The following HS6ST3 variants were observed in gnomAD, a reference collection of about 807,000 sequenced individuals.
HS6ST3 encodes heparan sulfate 6-O-sulfotransferase 3.
HS6ST3 carries 12 observed loss-of-function variants against 36.7 expected under a neutral mutation model. The observed-to-expected ratio is 0.33, with a 90% CI of 0.21 to 0.53. The LOEUF (loss-of-function observed/expected upper bound fraction) is 0.53. Ranked by LOEUF, HS6ST3 falls within the 20% of genes least tolerant of loss-of-function variation. HS6ST3 has a pLI of 0.95. For missense variants in HS6ST3, 584 were observed against 640.9 expected (o/e 0.91, Z 0.96); for synonymous variants, 240 against 257.5 (o/e 0.93, Z 0.65).
intron 1 of HS6ST3, among the ~76,000 whole-genome samples, chr13:96,769,210 A>G (rs1877196766): frequency 6.6e-6 from 1 of 152,170 alleles, no homozygotes; most frequent in Non-Finnish European, 1.5e-5. Flanking sequence ...TCTTCTTTAC[A>G]AGACATCTCA....
At chr13:96,658,496 T>A (rs1465226443) in intron 1 of HS6ST3, among the ~76,000 whole-genome samples, 1 of 151,190 alleles carries the variant, frequency 6.6e-6, no homozygotes, top group Non-Finnish European at 1.5e-5. Context: ...TTGGTCAGGA[T>A]GGTCTCGAAC....
In HS6ST3 at chr13:96,409,105, GAGAAGGTATTTGGCTGGATATTGAA is replaced by G. The variant is rs554699936; in HGVS notation, c.707+317558_707+317582del. On this transcript the variant is annotated intron_variant, in intron 1 of 1. Coordinates refer to ENST00000376705, the MANE Select transcript of HS6ST3 (RefSeq NM_153456.4). ...AGAAACTAGGGAAGACTTCATGAAA[GAGAAGGTATTTGGCTGGATATTGAA>G]AGAAGGTATTTGGCTGGATATGGAA... Among the ~76,000 whole-genome samples the G allele has an allele frequency of 1.1e-3, 165 of 152,328 alleles. 1 individual carries two copies. The East Asian group carries it at 0.03, about 28-fold the overall frequency.
intron 1 of HS6ST3, among the ~76,000 whole-genome samples, chr13:96,298,477 G>A (rs1409485255): frequency 6.6e-6 from 1 of 152,130 alleles, no homozygotes; most frequent in Non-Finnish European, 1.5e-5. Context: ...CTTTAGGCTC[G>A]TTGGCAAAGA....
In HS6ST3 at chr13:96,744,681, A is replaced by G. The variant is rs117288552; in HGVS notation, c.708-87809A>G. On this transcript the variant is annotated intron_variant, in intron 1 of 1. Coordinates refer to ENST00000376705, the MANE Select transcript of HS6ST3 (RefSeq NM_153456.4). ...TCTTTTGATGAACCAGATTTTTAATACCAACTTTGCATAAGCAAATGCACT... is the reference window on the plus strand; with the variant it reads ...TCTTTTGATGAACCAGATTTTTAATGCCAACTTTGCATAAGCAAATGCACT... Among the ~76,000 whole-genome samples, 1,478 of 152,158 alleles carry G rather than the reference A, an allele frequency of 9.7e-3. 15 individuals carry two copies. The highest frequency in any genetic ancestry group is 0.016 in the Non-Finnish European group (1,120 of 67,958).
chr13:96,206,425 C>T (rs969125399), intron 1 of HS6ST3, among the ~76,000 whole-genome samples: 2 of 152,126 alleles, frequency 1.3e-5, no homozygotes, highest in Admixed American at 6.5e-5. Context: ...ATTAAACTAC[C>T]ATTGACATTC....
At chr13:96,515,113 G>A (rs368406475) in intron 1 of HS6ST3, among the ~76,000 whole-genome samples, 36 of 152,258 alleles carry the variant, frequency 2.4e-4, no homozygotes, top group Non-Finnish European at 3.2e-4. Context: ...TGGCAGCTGC[G>A]CACACCTTCC....
intron 1 of HS6ST3, among the ~76,000 whole-genome samples, chr13:96,232,350 A>C (rs2054512901): frequency 1.3e-5 from 2 of 152,152 alleles, no homozygotes; most frequent in South Asian, 2.1e-4. Flanking sequence ...TGTAGTAATA[A>C]GGAAAAGGAG....
intron 1 of HS6ST3, among the ~76,000 whole-genome samples, chr13:96,462,039 C>T (rs1009434330): frequency 6.6e-6 from 1 of 152,096 alleles, no homozygotes; most frequent in African/African-American, 2.4e-5. Context: ...CTATGTCACA[C>T]AAAACAAATT....
At chr13:96,174,336 C>A (rs995889481) in intron 1 of HS6ST3, among the ~76,000 whole-genome samples, 3 of 151,900 alleles carry the variant, frequency 2.0e-5, no homozygotes, top group Non-Finnish European at 4.4e-5. Flanking sequence ...CTCTTGAATC[C>A]CTATCATGAA....
chr13:96,708,651 G>C (rs1057082916), intron 1 of HS6ST3, among the ~76,000 whole-genome samples: 4 of 152,082 alleles, frequency 2.6e-5, no homozygotes, highest in African/African-American at 9.7e-5. Flanking sequence ...TTCACTCCAG[G>C]GAAATGTGAA....
intron 1 of HS6ST3, among the ~76,000 whole-genome samples, chr13:96,488,781 C>G (rs375102240): frequency 6.6e-6 from 1 of 152,076 alleles, no homozygotes; most frequent in East Asian, 1.9e-4. Flanking sequence ...TTCTTGGTCA[C>G]TTTGAATGCT....
intron 1 of HS6ST3, among the ~76,000 whole-genome samples, chr13:96,563,020 G>A (rs1158808698): frequency 6.8e-6 from 1 of 148,056 alleles, no homozygotes; most frequent in East Asian, 2.0e-4. Flanking sequence ...ACTGAGCAAT[G>A]GAGCCAGTCA....
intron 1 of HS6ST3, among the ~76,000 whole-genome samples, chr13:96,174,918 G>A (rs2054205399): frequency 6.6e-6 from 1 of 152,072 alleles, no homozygotes; most frequent in African/African-American, 2.4e-5. Flanking sequence ...TTTTCCTGGT[G>A]TTTCTAATAG....
chr13:96,659,164 G>A (rs2056637554), intron 1 of HS6ST3, among the ~76,000 whole-genome samples: 1 of 152,202 alleles, frequency 6.6e-6, no homozygotes, highest in Admixed American at 6.5e-5. Context: ...CAGTTACTCT[G>A]CATTATTGCC....
At chr13:96,459,926 T>G (rs2055775666) in intron 1 of HS6ST3, among the ~76,000 whole-genome samples, 1 of 152,252 alleles carries the variant, frequency 6.6e-6, no homozygotes, top group South Asian at 2.1e-4. Context: ...GATGTAAAAT[T>G]TGACCTGAGA....
At chr13:96,448,053 C>A (rs2055707726) in intron 1 of HS6ST3, among the ~76,000 whole-genome samples, 1 of 152,274 alleles carries the variant, frequency 6.6e-6, no homozygotes, top group African/African-American at 2.4e-5. Context: ...CTTTTATCAT[C>A]ATGGAGGCTT....
At chr13:96,804,243 C>G (rs1485523647) in intron 1 of HS6ST3, among the ~76,000 whole-genome samples, 1 of 152,042 alleles carries the variant, frequency 6.6e-6, no homozygotes, top group African/African-American at 2.4e-5. Context: ...GGATGTGCAG[C>G]TAAACTTGTC....
At chr13:96,298,520 T>C (rs1316868035) in intron 1 of HS6ST3, among the ~76,000 whole-genome samples, 5 of 152,220 alleles carry the variant, frequency 3.3e-5, no homozygotes, top group Non-Finnish European at 7.3e-5. Flanking sequence ...GGGTTTGTAA[T>C]TGTTCATTTC....
chr13:96,613,557 G>T (rs2056463373), intron 1 of HS6ST3, among the ~76,000 whole-genome samples: 2 of 152,156 alleles, frequency 1.3e-5, no homozygotes, highest in Admixed American at 6.5e-5. Context: ...TGTTGGTACA[G>T]TATCTCTTTC....
Sources: allele counts gnomAD v4.1 joint callset (sites outside exome capture counted in the v4.1 genomes callset), GRCh38; gene constraint gnomAD v4.1.1; transcripts MANE v1.5; gene names NCBI Gene and HGNC (gene_info 2026-07-23, HGNC 2026-07-21).